THOP1: variants seen among roughly 807,000 people sequenced by gnomAD.
The protein encoded by THOP1 is thimet oligopeptidase 1, also known as thimet oligopeptidase.
Under a neutral mutation model 71.8 loss-of-function variants are expected in THOP1, and 49 were observed. That is an observed-to-expected ratio of 0.68 (90% CI 0.54 to 0.87). THOP1 has a LOEUF of 0.87. Ranked by LOEUF, THOP1 falls within the 40% of genes least tolerant of loss-of-function variation. The probability of loss-of-function intolerance (pLI) is 0.00; values close to 1 mark genes in which losing one functional copy is unlikely to be tolerated. For synonymous variants in THOP1, 426 were observed against 421.5 expected, an observed-to-expected ratio of 1.01 and a Z score of -0.13; for missense variants, 843 against 975.6, an observed-to-expected ratio of 0.86 and a Z score of 1.81.
At chr19:2,808,564 T>A in intron 9 of THOP1, 120 bp downstream of exon 9, 1 of 1,152,436 alleles carries the variant, frequency 8.7e-7, no homozygotes, top group Non-Finnish European at 1.2e-6. Context: ...CGGTGGCTCC[T>A]TCATCCAATG....
At chr19:2,806,598 A>G (rs886866526) in intron 6 of THOP1, 3 of 379,866 alleles carry the variant, frequency 7.9e-6, no homozygotes, top group Non-Finnish European at 1.4e-5. Context: ...ACTGGGAACC[A>G]AGGCCTGGAC....
intron 12 of THOP1, chr19:2,812,109 G>A (rs1916492074): frequency 7.2e-7 from 1 of 1,389,708 alleles, no homozygotes; most frequent in Non-Finnish European, 9.5e-7. Flanking sequence ...TCCGGGATCT[G>A]CGTGATCGGC....
chr19:2,810,875 C>T lies in THOP1; in HGVS notation c.1771+107C>T, dbSNP rs570881714. On this transcript the variant is annotated intron_variant, in intron 11 of 12. Coordinates refer to ENST00000307741, the MANE Select transcript of THOP1 (RefSeq NM_003249.5). ...TGCTTCACTTAGCAAGTGCAGGAGTCCCTGCTGGGGAGCCACGGAGCGCGT... is the reference window on the plus strand; with the variant it reads ...TGCTTCACTTAGCAAGTGCAGGAGTTCCTGCTGGGGAGCCACGGAGCGCGT... The T allele has an allele frequency of 5.2e-5, 75 of 1,454,632 alleles. 1 individual carries two copies. The South Asian group carries it at 9.7e-4, about 19-fold the overall frequency. 90.1% of individuals were successfully genotyped at this position (1,454,632 alleles called of 1,614,324 possible). A position where few individuals can be genotyped will look rare whatever the true frequency, so the allele number is the denominator to read the frequency against.
At chr19:2,810,602 A>G in intron 10 of THOP1, 38 bp from the exon 11 acceptor site, 1 of 1,539,896 alleles carries the variant, frequency 6.5e-7, no homozygotes, top group Non-Finnish European at 8.8e-7. Flanking sequence ...GGGCCGGGGC[A>G]GGTGCAGAGG....
chr19:2,809,308 A>G (rs1285633731), intron 9 of THOP1, among the ~76,000 whole-genome samples: 1 of 152,222 alleles, frequency 6.6e-6, no homozygotes, highest in South Asian at 2.1e-4. Flanking sequence ...CATGAGGCAC[A>G]TCATGGCCTC....
rs201208119 is a variant in THOP1, at chr19:2,805,026, C to T, written c.600C>T (p.Pro200=). The T allele has an allele frequency of 1.1e-4, 176 of 1,611,932 alleles. No individual in the cohort carries two copies. The highest frequency in any genetic ancestry group is 1.3e-4 in the Non-Finnish European group (151 of 1,179,388). Residue 200 remains proline, a synonymous_variant, in exon 6 of 13, where the codon CCC becomes CCT. Coordinates refer to ENST00000307741, the MANE Select transcript of THOP1 (RefSeq NM_003249.5). This position sits in a 1 kb window ranked among gnomAD's most constrained non-coding sequence, Gnocchi z 6.6. ...GTTCTGTCCCCATAGGAGGGCTCCC[C>T]GAGGACTTTCTGAACTCCCTGGAGA... The part of the protein sequence containing the change: ...PFTLQELGGL[P]EDFLNSLEKM...
intron 7 of THOP1, 61 bp downstream of exon 7, chr19:2,807,113 G>T: frequency 6.5e-7 from 1 of 1,529,376 alleles, no homozygotes; most frequent in East Asian, 2.4e-5. Context: ...GGTCACCCCA[G>T]GGGACAGTCG....
chr19:2,802,499 C>T (rs1599526822), intron 5 of THOP1, among the ~76,000 whole-genome samples: 2 of 147,216 alleles, frequency 1.4e-5, no homozygotes, highest in South Asian at 2.2e-4. Context: ...CAACACCTCC[C>T]GACACCAACA....
chr19:2,794,999 T>C, intron 3 of THOP1, 87 bp downstream of exon 3: 2 of 1,492,118 alleles, frequency 1.3e-6, no homozygotes, highest in South Asian at 2.4e-5. Context: ...AATTTTTGTA[T>C]TTTTAGTAGA....
At chr19:2,798,595 T>C (rs1277605228) in intron 4 of THOP1, among the ~76,000 whole-genome samples, 1 of 152,240 alleles carries the variant, frequency 6.6e-6, no homozygotes, top group Non-Finnish European at 1.5e-5. Flanking sequence ...TTATGTGAGA[T>C]GGCAAGAGGG....
At chr19:2,786,049 T>C (rs150289900) in intron 1 of THOP1, among the ~76,000 whole-genome samples, 69 of 152,180 alleles carry the variant, frequency 4.5e-4, no homozygotes, top group African/African-American at 1.6e-3. Context: ...GGTGCTCTGG[T>C]GCAGATAAAC....
rs528674439 is a variant in THOP1, at chr19:2,807,231, C to T, written c.886+179C>T. ...GACCCTTACAGAACAGGGAAGCGCC[C>T]GGGCCCTGGGGTCAGTCCCATGCTT... is the stretch of plus-strand genomic sequence containing the variant. On this transcript the variant is annotated intron_variant, in intron 7 of 12. Transcript: ENST00000307741. Among the ~76,000 whole-genome samples the T allele has an allele frequency of 3.8e-3, 573 of 152,294 alleles. 3 individuals are homozygous for T. Among genetic ancestry groups the T allele is most frequent in the African/African-American group, 0.013 (540 of 41,558 alleles).
intron 4 of THOP1, among the ~76,000 whole-genome samples, chr19:2,796,732 C>T (rs889459665): frequency 4.6e-5 from 7 of 152,042 alleles, no homozygotes; most frequent in Admixed American, 4.6e-4. Context: ...CCCCTGCCTC[C>T]TCGGGAGCGT....
rs1916152704 is a variant in THOP1, at chr19:2,801,959, C to T, written c.589+2168C>T. ...GCCCCAGTACCTAATCCTGCCATCT[C>T]CCAATACCACCATCTCCAACACCGC... On this transcript the variant is annotated intron_variant, in intron 5 of 12. Coordinates refer to ENST00000307741, the MANE Select transcript of THOP1 (RefSeq NM_003249.5). This position sits in a 1 kb window ranked among gnomAD's most constrained non-coding sequence, Gnocchi z 5.1. Among the ~76,000 whole-genome samples, 1 of 152,016 alleles carries T rather than the reference C, an allele frequency of 6.6e-6. No individual in the cohort carries two copies. The highest frequency in any genetic ancestry group is 1.5e-5 in the Non-Finnish European group (1 of 67,976).
In THOP1 at chr19:2,815,687, G is replaced by A. The variant is rs1916586398; in HGVS notation, c.*2411G>A. On this transcript the variant is annotated 3_prime_UTR_variant, in exon 13 of 13. Coordinates refer to ENST00000307741, the MANE Select transcript of THOP1 (RefSeq NM_003249.5). ...ATGCTCCCCACTCAGGGCTCCAGCAGTGGGCTCAGAGGACAGTGTGGCATT... is the reference window on the plus strand; with the variant it reads ...ATGCTCCCCACTCAGGGCTCCAGCAATGGGCTCAGAGGACAGTGTGGCATT... 6.6e-6 allele frequency: 1 copy of A among 152,388 alleles called. No homozygotes were observed. The highest frequency in any genetic ancestry group is 2.1e-4 in the South Asian group (1 of 4,838). The allele number at this position is 152,388 out of a possible 1,614,324, so 9.4% of individuals were successfully genotyped here.
chr19:2,792,954 T>C (rs950776724), intron 2 of THOP1, among the ~76,000 whole-genome samples: 1 of 152,190 alleles, frequency 6.6e-6, no homozygotes, highest in African/African-American at 2.4e-5. Context: ...GGTGGGCGGA[T>C]GACTTGAGGT....
chr19:2,811,301 C>T (rs916972264), intron 11 of THOP1, among the ~76,000 whole-genome samples: 5 of 152,230 alleles, frequency 3.3e-5, no homozygotes, highest in African/African-American at 9.6e-5. Flanking sequence ...TGTGATGTTG[C>T]GTGGGCGTGC....
chr19:2,803,772 G>GC (rs1916216783), intron 5 of THOP1, among the ~76,000 whole-genome samples: 1 of 152,132 alleles, frequency 6.6e-6, no homozygotes, highest in Admixed American at 6.5e-5. Context: ...GGCTCTGCCG[G>GC]CCACAGGACT....
Position 2,813,174 on chromosome 19 carries a change from C to T in THOP1, c.1968C>T (p.Ala656=). ...CCGGCGGTTCCGAGGATGCCAGCGC[C>T]ATGCTGAGGCGCTTCCTGGGCCGTG... is the stretch of plus-strand genomic sequence containing the variant. ...LRPGGSEDAS[A]MLRRFLGRDP... is the part of the protein sequence containing the mutation. The change falls in exon 13 of 13, where the codon GCC becomes GCT. Residue 656 remains alanine, a synonymous_variant. Coordinates refer to ENST00000307741, the MANE Select transcript of THOP1 (RefSeq NM_003249.5). The T allele has an allele frequency of 8.7e-6, 14 of 1,612,346 alleles. No individual in the cohort carries two copies. The highest frequency in any genetic ancestry group is 1.2e-5 in the Non-Finnish European group (14 of 1,179,722).
Sources: allele counts gnomAD v4.1 joint callset (sites outside exome capture counted in the v4.1 genomes callset), GRCh38; gene constraint gnomAD v4.1.1; non-coding constraint Gnocchi (gnomAD v3.1); transcripts MANE v1.5; gene names NCBI Gene and HGNC (gene_info 2026-07-23, HGNC 2026-07-21).